Variants in PXDNL observed in about 807,000 individuals in gnomAD.
PXDNL encodes peroxidasin like.
Under a neutral mutation model 150.8 loss-of-function variants are expected in PXDNL, and 145 were observed. The observed-to-expected ratio is 0.96, with a 90% confidence interval of 0.84 to 1.10. The LOEUF is 1.10. PXDNL is among the 50% of genes least tolerant of loss of function. The pLI is 0.00. For missense variants in PXDNL, 2,087 were observed against 1,873.9 expected (o/e 1.11, Z -2.10); for synonymous variants, 757 against 725.7 (o/e 1.04, Z -0.69).
chr8:51,662,701 T>C lies in PXDNL; in HGVS notation c.165-7941A>G, dbSNP rs1815301723. On this transcript the variant is annotated intron_variant, in intron 1 of 22. Transcript: ENST00000356297. ...ATACTACACCATTTTCCATCAGAAA[T>C]TTGAACAGCTACGGATTTTGATATC... 2.6e-5 allele frequency among the ~76,000 whole-genome samples: 4 copies of C among 152,078 alleles called. No homozygotes were observed. The South Asian group carries it at 8.3e-4, about 32-fold the overall frequency.
chr8:51,483,632 C>T lies in PXDNL; in HGVS notation c.524+11G>A. On this transcript the variant is annotated intron_variant, in intron 6 of 22. Transcript: ENST00000356297. ...AAAGGTTTTTGTGTTAATGCACTTG[C>T]TTTCACTTACAATCTTTTTAATGAA... 1 of 1,486,310 alleles carries T rather than the reference C, an allele frequency of 6.7e-7. No homozygotes were observed. Among genetic ancestry groups the T allele is most frequent in the Non-Finnish European group, 9.2e-7 (1 of 1,092,360 alleles). 92.1% of individuals were successfully genotyped at this position (1,486,310 alleles called of 1,614,324 possible). A position where few individuals can be genotyped will look rare whatever the true frequency, so the allele number is the denominator to read the frequency against.
At chr8:51,795,923 C>T (rs1232847337) in intron 1 of PXDNL, among the ~76,000 whole-genome samples, 1 of 152,180 alleles carries the variant, frequency 6.6e-6, no homozygotes, top group African/African-American at 2.4e-5. Flanking sequence ...AGAGAGACAT[C>T]GTGCACCCGC....
At position 51,738,092 on chromosome 8, in the gene PXDNL, A is replaced by T. The variant is rs922485068; in HGVS notation, c.164+71089T>A. Among the ~76,000 whole-genome samples the T allele has an allele frequency of 2.0e-5, 3 of 152,162 alleles. No individual in the cohort carries two copies. In the East Asian group the frequency reaches 5.8e-4, roughly 29 times the overall value. On this transcript the variant is annotated intron_variant, in intron 1 of 22. Transcript: ENST00000356297. ...ACACCAAAGTCAGTAATGTGCACCA[A>T]TTGGACCCCACAGGGCTTTCTAGCA...
At chr8:51,321,711 G>A (rs1475088759) in intron 21 of PXDNL, among the ~76,000 whole-genome samples, 8 of 152,090 alleles carry the variant, frequency 5.3e-5, no homozygotes, top group Non-Finnish European at 7.4e-5. Context: ...AGGCCTCCCA[G>A]TCATGCTTCC....
At chr8:51,529,178 C>T (rs1048304466) in intron 4 of PXDNL, among the ~76,000 whole-genome samples, 11 of 152,150 alleles carry the variant, frequency 7.2e-5, no homozygotes, top group Non-Finnish European at 4.4e-5. Flanking sequence ...AAAAGAAGTA[C>T]ACAAAAATAT....
chr8:51,319,721 A>T lies in PXDNL; in HGVS notation c.*170T>A. 2.2e-6 allele frequency: 1 copy of T among 452,148 alleles called. No homozygotes were observed. Among genetic ancestry groups the T allele is most frequent in the African/African-American group, 2.0e-5 (1 of 49,348 alleles). 28.0% of individuals were successfully genotyped at this position (452,148 alleles called of 1,614,324 possible). On this transcript the variant is annotated 3_prime_UTR_variant, in exon 23 of 23. Transcript: ENST00000356297. ...GTTTTGAATTATTTCAAGGTATGTT[A>T]GAAAATGAAAAAATAAAAGATCGTA...
chr8:51,565,753 T>C (rs1812814955), intron 3 of PXDNL, among the ~76,000 whole-genome samples: 1 of 151,864 alleles, frequency 6.6e-6, no homozygotes, highest in South Asian at 2.1e-4. Context: ...ATACATATAA[T>C]GTATTGTGAA....
chr8:51,785,921 T>A (rs562952069), intron 1 of PXDNL, among the ~76,000 whole-genome samples: 1 of 152,194 alleles, frequency 6.6e-6, no homozygotes, highest in Admixed American at 6.5e-5. Context: ...CCTCTGTACC[T>A]TAGACCAGAG....
intron 2 of PXDNL, among the ~76,000 whole-genome samples, chr8:51,629,833 C>T (rs1052187634): frequency 2.0e-5 from 3 of 151,844 alleles, no homozygotes; most frequent in South Asian, 2.1e-4. Context: ...ATGTATCCCT[C>T]GAAAATGAAT....
At chr8:51,689,832 C>T (rs1012128075) in intron 1 of PXDNL, among the ~76,000 whole-genome samples, 6 of 152,204 alleles carry the variant, frequency 3.9e-5, no homozygotes, top group African/African-American at 1.4e-4. Flanking sequence ...TGTGGGCCGT[C>T]ACTCAACTAG....
intron 1 of PXDNL, among the ~76,000 whole-genome samples, chr8:51,713,591 C>T (rs1816544421): frequency 1.3e-5 from 2 of 152,040 alleles, no homozygotes; most frequent in East Asian, 1.9e-4. Flanking sequence ...ATATTAAGGG[C>T]CAATTGTTTC....
At chr8:51,595,109 T>C (rs1247570789) in intron 2 of PXDNL, among the ~76,000 whole-genome samples, 2 of 152,084 alleles carry the variant, frequency 1.3e-5, no homozygotes, top group African/African-American at 4.8e-5. Context: ...ATAAAACAAT[T>C]TCTGAAAACA....
intron 19 of PXDNL, among the ~76,000 whole-genome samples, chr8:51,371,031 C>T (rs539814404): frequency 2.6e-4 from 39 of 152,234 alleles, no homozygotes; most frequent in Non-Finnish European, 4.7e-4. Context: ...GGCCACTACA[C>T]GGAGCAAGCA....
Position 51,409,442 on chromosome 8 carries a change from G to T in PXDNL, c.2182C>A (p.Arg728Ser), listed in dbSNP as rs776364671. ...TTGTTGCACGTGCCGTCGTGGGCGC[G>T]GTACTTCGCATGGAAACACCGGTTG... The part of the protein sequence containing the change: ...CSNRCFHAKY[R>S]AHDGTCNNLQ... The change falls in exon 17 of 23, where the codon CGC becomes AGC. Residue 728 changes from arginine to serine, a missense_variant. Physicochemically the swap from Arg to Ser is moderately radical, Grantham distance 110 (BLOSUM62 -1). Coordinates refer to ENST00000356297, the MANE Select transcript of PXDNL (RefSeq NM_144651.5). 4 of 1,612,586 alleles carry T rather than the reference G, an allele frequency of 2.5e-6. No homozygotes were observed. The highest frequency in any genetic ancestry group is 3.3e-5 in the Admixed American group (2 of 59,968).
At chr8:51,453,490 A>G in intron 10 of PXDNL, 29 bp downstream of exon 10, 3 of 1,604,214 alleles carry the variant, frequency 1.9e-6, no homozygotes, top group Non-Finnish European at 2.6e-6. Context: ...CAGGAGGAAC[A>G]TTTCAATCAT....
intron 4 of PXDNL, among the ~76,000 whole-genome samples, chr8:51,537,823 G>A (rs562961755): frequency 1.1e-4 from 16 of 151,566 alleles, no homozygotes; most frequent in Non-Finnish European, 1.3e-4. Flanking sequence ...TTTTTCATGC[G>A]GTGCCCAAAA....
intron 3 of PXDNL, among the ~76,000 whole-genome samples, chr8:51,562,991 T>A (rs1812747905): frequency 1.3e-5 from 2 of 152,044 alleles, no homozygotes; most frequent in South Asian, 4.2e-4. Flanking sequence ...CTTGCAACCC[T>A]GTGACAAGAA....
At chr8:51,422,666 T>C (rs544632381) in intron 14 of PXDNL, among the ~76,000 whole-genome samples, 1 of 152,360 alleles carries the variant, frequency 6.6e-6, no homozygotes, top group East Asian at 1.9e-4. Context: ...AACTGAAAGC[T>C]GAGCAAAGCC....
chr8:51,747,536 G>T (rs566138193), intron 1 of PXDNL, among the ~76,000 whole-genome samples: 1 of 152,216 alleles, frequency 6.6e-6, no homozygotes, highest in Non-Finnish European at 1.5e-5. Flanking sequence ...GGATTAAGAA[G>T]AAACTCATTT....
Sources: allele counts gnomAD v4.1 joint callset (sites outside exome capture counted in the v4.1 genomes callset), GRCh38; gene constraint gnomAD v4.1.1; transcripts MANE v1.5; gene names NCBI Gene and HGNC (gene_info 2026-07-23, HGNC 2026-07-21).